Variants in PLD2 observed in about 807,000 individuals in gnomAD.
PLD2 encodes choline phosphatase 2.
Under a neutral mutation model 119.8 loss-of-function variants are expected in PLD2, and 101 were observed. The observed-to-expected ratio is 0.84, with a 90% CI of 0.72 to 0.99. The LOEUF is 0.99. Ranked by LOEUF, PLD2 falls within the 50% of genes least tolerant of loss-of-function variation. The pLI, the probability that PLD2 is intolerant of heterozygous loss-of-function variation, is 0.00. For missense variants in PLD2, 1,164 were observed against 1,226.8 expected, an observed-to-expected ratio of 0.95 and a Z score of 0.76; for synonymous variants, 494 against 482.8, an observed-to-expected ratio of 1.02 and a Z score of -0.30.
intron 10 of PLD2, among the ~76,000 whole-genome samples, 184 bp downstream of exon 10, chr17:4,811,135 C>T (rs1014643614): frequency 1.3e-5 from 2 of 151,934 alleles, no homozygotes; most frequent in African/African-American, 2.4e-5. Flanking sequence ...GATTTCGCGC[C>T]GACCTTTCTG....
At chr17:4,811,111 ACATTGATCTCTCTGATTTCG>A (rs3841515) in intron 10 of PLD2, among the ~76,000 whole-genome samples, 160 bp downstream of exon 10, 37,532 of 151,498 alleles carry the variant, frequency 0.25, 4,603 homozygotes, top group East Asian at 0.3. Context: ...ATCTTTAACC[ACATTGATCTCTCTGATTTCG>A]CGCCGACCTT....
intron 13 of PLD2, 38 bp from the exon 14 acceptor site, chr17:4,815,726 C>G (rs1462706756): frequency 6.2e-7 from 1 of 1,609,004 alleles, no homozygotes; most frequent in African/African-American, 1.3e-5. Flanking sequence ...TTTCCTTCAC[C>G]TAAACCCACC....
intron 24 of PLD2, among the ~76,000 whole-genome samples, chr17:4,822,406 C>A (rs532068749): frequency 6.6e-6 from 1 of 151,760 alleles, no homozygotes; most frequent in East Asian, 1.9e-4. Flanking sequence ...GCAGGAGAAT[C>A]ACTTGAACCC....
intron 12 of PLD2, 119 bp downstream of exon 12, chr17:4,814,830 A>C: frequency 2.3e-6 from 2 of 860,972 alleles, no homozygotes; most frequent in Non-Finnish European, 3.8e-6. Context: ...AAAAGTGTCC[A>C]TCCTGGCCCA....
chr17:4,817,933 A>G lies in PLD2; in HGVS notation c.1816-69A>G, dbSNP rs537406419. The stretch of plus-strand genomic sequence containing the variant: ...AGATCATGCCACTGCACTCCAGCCT[A>G]GGCAACAGAGCGAGACTCTGTCTTA... On this transcript the variant is annotated intron_variant, in intron 17 of 24. Coordinates refer to ENST00000263088, the MANE Select transcript of PLD2 (RefSeq NM_002663.5). 115 of 1,083,568 alleles carry G rather than the reference A, an allele frequency of 1.1e-4. No individual in the cohort carries two copies. The Middle Eastern group carries it at 3.2e-3, about 30-fold the overall frequency. The allele number at this position is 1,083,568 out of a possible 1,614,324, so 67.1% of individuals were successfully genotyped here.
At chr17:4,814,732 G>A (rs2286670) in intron 12 of PLD2, 21 bp downstream of exon 12, 9 of 1,608,354 alleles carry the variant, frequency 5.6e-6, no homozygotes, top group South Asian at 2.2e-5. Flanking sequence ...TGGTCAGGCC[G>A]CAGGGGGAGG....
At chr17:4,818,159 G>C (rs1468810103) in intron 18 of PLD2, 53 bp downstream of exon 18, 4 of 1,445,950 alleles carry the variant, frequency 2.8e-6, no homozygotes, top group Non-Finnish European at 3.9e-6. Flanking sequence ...CCAGGAGAGA[G>C]ACCTGGGGAA....
chr17:4,817,092 G>C (rs769718076), intron 16 of PLD2, 37 bp downstream of exon 16: 2 of 1,606,718 alleles, frequency 1.2e-6, no homozygotes. Flanking sequence ...GAGGTAGGGA[G>C]GGAGCCAGGG....
rs769869285 is a variant in PLD2, at chr17:4,816,743, G to A, written c.1579G>A (p.Glu527Lys). 1.9e-5 allele frequency: 30 copies of A among 1,614,036 alleles called. No homozygotes were observed. The highest frequency in any genetic ancestry group is 1.2e-4 in the South Asian group (11 of 91,088). The change falls in exon 15 of 25, where the codon GAA becomes AAA. Residue 527 changes from glutamate (E) to lysine (K), a missense_variant. Transcript: ENST00000263088. ...KDWVQLDRPF[E>K]DFIDRETTPR... Reference sequence around the variant, plus strand: ...CTGGGTGCAGCTGGACCGGCCTTTCGAAGGTGAAGCCTCCCACCCGCCAAA... The same window carrying A: ...CTGGGTGCAGCTGGACCGGCCTTTCAAAGGTGAAGCCTCCCACCCGCCAAA...
At chr17:4,810,112 C>T in intron 9 of PLD2, 83 bp downstream of exon 9, 1 of 1,409,706 alleles carries the variant, frequency 7.1e-7, no homozygotes, top group Non-Finnish European at 9.8e-7. Flanking sequence ...AGAGAGACCA[C>T]AGGAGAGAGG....
rs1257819619 is a variant in PLD2 at position 4,809,278 on chromosome 17, C to G, written c.490-20C>G. 1 of 1,613,628 alleles carries G rather than the reference C, an allele frequency of 6.2e-7. No homozygotes were observed. Among genetic ancestry groups the G allele is most frequent in the South Asian group, 1.1e-5 (1 of 91,064 alleles). On this transcript the variant is annotated intron_variant, in intron 5 of 24. Transcript: ENST00000263088. ...GGCTCGGTCCCATCTGTCTCTCTCT[C>G]TCTCTCATCTCCACTTCAGAAATAC...
At position 4,815,794 on chromosome 17, in the gene PLD2, T is replaced by G. The variant is rs1268471840; in HGVS notation, c.1315T>G (p.Trp439Gly). The change falls in exon 14 of 25, where the codon TGG becomes GGG. Residue 439 changes from tryptophan (W) to glycine (G), a missense_variant. Coordinates refer to ENST00000263088, the MANE Select transcript of PLD2 (RefSeq NM_002663.5). ...VMRHPDQVTL[W>G]AHHEKLLVVD... ...GCGTCACCCAGACCAAGTGACGTTG[T>G]GGGCCCATCATGAGAAGCTCCTGGT... 6.2e-7 allele frequency: 1 copy of G among 1,614,106 alleles called. No homozygotes were observed. The highest frequency in any genetic ancestry group is 8.5e-7 in the Non-Finnish European group (1 of 1,179,986).
chr17:4,819,512 C>G lies in PLD2; in HGVS notation c.2392C>G (p.Pro798Ala). 6.2e-7 allele frequency: 1 copy of G among 1,614,050 alleles called. No individual in the cohort carries two copies. The highest frequency in any genetic ancestry group is 8.5e-7 in the Non-Finnish European group (1 of 1,180,002). The change falls in exon 23 of 25, where the codon CCA (proline) becomes GCA (alanine). Residue 798 changes from proline to alanine, a missense_variant. Pro to Ala is a conservative substitution (Grantham distance 27, BLOSUM62 -1). Transcript: ENST00000263088. The surrounding 1 kb of genome is among the most constrained non-coding windows in gnomAD (Gnocchi z 4.2). ...GCTGATCGAGGACACAGAGACGGAA[C>G]CATCCCTCATGAATGGGGCAGAGTA... ...AVLIEDTETEPSLMNGAEYQA... is the reference protein window; with the variant it reads ...AVLIEDTETEASLMNGAEYQA...
chr17:4,809,574 C>T, intron 7 of PLD2, 23 bp downstream of exon 7: 1 of 1,605,402 alleles, frequency 6.2e-7, no homozygotes, highest in Non-Finnish European at 8.5e-7. Context: ...CCCCCTTCAC[C>T]CAGGCATCCG....
At chr17:4,815,345 C>A in intron 12 of PLD2, 131 bp from the exon 13 acceptor site, 1 of 696,038 alleles carries the variant, frequency 1.4e-6, no homozygotes, top group South Asian at 1.6e-5. Context: ...AGCAGCAAAG[C>A]AGGGCATATG....
At chr17:4,816,299 C>T (rs1906964653) in intron 14 of PLD2, among the ~76,000 whole-genome samples, 1 of 151,760 alleles carries the variant, frequency 6.6e-6, no homozygotes, top group Non-Finnish European at 1.5e-5. Context: ...AGGAGAATCA[C>T]TTGAACCCAG....
At chr17:4,817,331 G>C in intron 17 of PLD2, 72 bp downstream of exon 17, 1 of 967,568 alleles carries the variant, frequency 1.0e-6, no homozygotes, top group Non-Finnish European at 1.7e-6. Context: ...ACTCTCCCTG[G>C]TGTGAGAGCT....
chr17:4,809,758 C>T lies in PLD2; in HGVS notation c.682C>T (p.Gln228Ter), dbSNP rs754487632. Residue 228 changes from glutamine (Q) to a stop codon, truncating the protein, a stop_gained, in exon 8 of 25, where the codon CAA becomes TAA. Transcript: ENST00000263088. LOFTEE classifies it high-confidence loss of function. ...TGGCCTCACCTGCTGTGGCCGAGAC[C>T]AAGTTTGTTATCGCTGGTCCAAGAG... ...VPGLTCCGRD[Q>*]VCYRWSKRWL... 2 of 1,614,026 alleles carry T rather than the reference C, an allele frequency of 1.2e-6. No individual in the cohort carries two copies. The highest frequency in any genetic ancestry group is 1.3e-5 in the African/African-American group (1 of 74,914).
rs186836379 is a variant in PLD2 at position 4,817,897 on chromosome 17, G to C, written c.1816-105G>C. On this transcript the variant is annotated intron_variant, in intron 17 of 24. Coordinates refer to ENST00000263088, the MANE Select transcript of PLD2 (RefSeq NM_002663.5). Reference sequence around the variant, plus strand: ...GGCGTGAACCCAGGAGGAGGAGCTTGCAGTGAGCGGAGATCATGCCACTGC... The same window carrying C: ...GGCGTGAACCCAGGAGGAGGAGCTTCCAGTGAGCGGAGATCATGCCACTGC... 167 of 712,138 alleles carry C rather than the reference G, an allele frequency of 2.3e-4. 1 individual carries two copies. In the East Asian group the frequency reaches 4.2e-3, roughly 18 times the overall value. The allele number at this position is 712,138 out of a possible 1,614,324, so 44.1% of individuals were successfully genotyped here.
Sources: gnomAD v4.1 joint callset for allele counts (sites outside exome capture counted in the v4.1 genomes callset) on GRCh38, gnomAD v4.1.1 for gene constraint, Gnocchi (gnomAD v3.1) non-coding constraint, MANE v1.5 for transcripts, NCBI Gene and HGNC (gene_info 2026-07-23, HGNC 2026-07-21) for gene names.